The following SLC35D4 variants were observed in gnomAD, a reference collection of about 807,000 sequenced individuals.
SLC35D4 encodes the protein UDP-N-acetylglucosamine transporter SLC35D4.
chr18:23,334,583 C>T, the SLC35D4 span, among the ~76,000 whole-genome samples: 2 of 152,184 alleles, frequency 1.3e-5, no homozygotes, highest in Non-Finnish European at 2.9e-5. Context: ...ACAATTTGCT[C>T]GTACTTCACT....
At chr18:23,266,530 C>A in the SLC35D4 span, among the ~76,000 whole-genome samples, 1 of 152,194 alleles carries the variant, frequency 6.6e-6, no homozygotes, top group Admixed American at 6.5e-5. Flanking sequence ...TCCCCCACTG[C>A]TCAGGCAGAG....
chr18:23,401,946 T>C, the SLC35D4 span, among the ~76,000 whole-genome samples: 3 of 152,168 alleles, frequency 2.0e-5, no homozygotes, highest in Non-Finnish European at 4.4e-5. Flanking sequence ...CAAACAGACT[T>C]GTGGGAAGTG....
At chr18:23,374,294 A>G in the SLC35D4 span, among the ~76,000 whole-genome samples, 2 of 152,160 alleles carry the variant, frequency 1.3e-5, no homozygotes, top group African/African-American at 4.8e-5. Context: ...AGGACACAAC[A>G]TCACTTGGGT....
chr18:23,250,115 G>A, the SLC35D4 span, among the ~76,000 whole-genome samples: 1 of 152,206 alleles, frequency 6.6e-6, no homozygotes, highest in Middle Eastern at 3.2e-3. Flanking sequence ...GTTGCTGCGA[G>A]GAGAGATCCA....
chr18:23,372,842 C>T, the SLC35D4 span, among the ~76,000 whole-genome samples: 1 of 152,018 alleles, frequency 6.6e-6, no homozygotes, highest in Admixed American at 6.6e-5. Flanking sequence ...TCTTTGTGTC[C>T]CCAGAGCCTG....
the SLC35D4 span, among the ~76,000 whole-genome samples, chr18:23,369,385 C>T: frequency 1.3e-5 from 2 of 152,202 alleles, no homozygotes; most frequent in Non-Finnish European, 2.9e-5. Flanking sequence ...CCTCAGCGCT[C>T]CAGGCCTGAA....
the SLC35D4 span, among the ~76,000 whole-genome samples, chr18:23,375,442 C>T: frequency 7.2e-5 from 11 of 152,062 alleles, 1 homozygote; most frequent in Non-Finnish European, 1.6e-4. Context: ...TACATATATA[C>T]ATTGAGATAG....
chr18:23,367,333 TA>T, the SLC35D4 span, among the ~76,000 whole-genome samples: 7 of 152,138 alleles, frequency 4.6e-5, no homozygotes, highest in African/African-American at 1.7e-4. Context: ...GATACTTAGA[TA>T]GCAAGTTTTA....
chr18:23,388,857 C>T, the SLC35D4 span, among the ~76,000 whole-genome samples: 1 of 152,240 alleles, frequency 6.6e-6, no homozygotes, highest in East Asian at 1.9e-4. Context: ...GTAAGAGGTG[C>T]TTGCTTCCCC....
At chr18:23,433,975 G>A in the SLC35D4 span, among the ~76,000 whole-genome samples, 1 of 152,102 alleles carries the variant, frequency 6.6e-6, no homozygotes, top group African/African-American at 2.4e-5. Context: ...GCTCATAGTA[G>A]GATATGCTCA....
At chr18:23,247,381 T>C in the SLC35D4 span, among the ~76,000 whole-genome samples, 1 of 152,244 alleles carries the variant, frequency 6.6e-6, no homozygotes, top group Non-Finnish European at 1.5e-5. Context: ...CCAGTTTCCA[T>C]ACTCTGAACA....
At chr18:23,248,538 T>TTTTAA in the SLC35D4 span, among the ~76,000 whole-genome samples, 6 of 93,602 alleles carry the variant, frequency 6.4e-5, no homozygotes, top group African/African-American at 2.1e-4. Context: ...TTTTTTTTTT[T>TTTTAA]AAAAAAAGGC....
At chr18:23,424,892 G>A in the SLC35D4 span, among the ~76,000 whole-genome samples, 1 of 152,062 alleles carries the variant, frequency 6.6e-6, no homozygotes, top group Non-Finnish European at 1.5e-5. Context: ...GAAATATTAG[G>A]GAGGAGCTTG....
At chr18:23,434,788 C>T in the SLC35D4 span, among the ~76,000 whole-genome samples, 1 of 145,588 alleles carries the variant, frequency 6.9e-6, no homozygotes, top group Admixed American at 6.9e-5. Flanking sequence ...AAGACCCTGT[C>T]TCAAAAAACA....
the SLC35D4 span, chr18:23,421,536 G>T: frequency 8.9e-7 from 1 of 1,124,788 alleles, no homozygotes; most frequent in African/African-American, 1.5e-5. Context: ...GACACAAAGA[G>T]ACAAGTTCAA....
At chr18:23,261,371 C>T in the SLC35D4 span, among the ~76,000 whole-genome samples, 2 of 152,212 alleles carry the variant, frequency 1.3e-5, no homozygotes, top group Non-Finnish European at 1.5e-5. Context: ...CACAGTGGCT[C>T]ACACCTGTAA....
At chr18:23,406,020 C>T in the SLC35D4 span, among the ~76,000 whole-genome samples, 54 of 152,222 alleles carry the variant, frequency 3.5e-4, no homozygotes, top group African/African-American at 1.3e-3. Context: ...TTTTTGAAGT[C>T]ATTTCTTCAG....
the SLC35D4 span, among the ~76,000 whole-genome samples, chr18:23,316,899 A>G: frequency 2.0e-5 from 3 of 152,174 alleles, no homozygotes; most frequent in Non-Finnish European, 4.4e-5. Flanking sequence ...ATCTCACGTG[A>G]TCCCTACAAC....
the SLC35D4 span, among the ~76,000 whole-genome samples, chr18:23,315,543 G>A: frequency 6.6e-6 from 1 of 152,224 alleles, no homozygotes; most frequent in Non-Finnish European, 1.5e-5. Context: ...ATAAGGGCCT[G>A]ATAACAGTTT....
Sources: allele counts gnomAD v4.1 joint callset (sites outside exome capture counted in the v4.1 genomes callset), GRCh38; gene constraint gnomAD v4.1.1; transcripts MANE v1.5; gene names NCBI Gene and HGNC (gene_info 2026-07-23, HGNC 2026-07-21).